Variants in WDPCP observed in about 807,000 individuals in gnomAD.
WDPCP encodes the protein WD repeat containing planar cell polarity effector.
WDPCP carries 71 observed loss-of-function variants against 93.1 expected under a neutral mutation model. The observed-to-expected ratio is 0.76, with a 90% CI of 0.63 to 0.93. WDPCP has a LOEUF of 0.93. WDPCP is among the 40% of genes least tolerant of loss of function. The pLI is 0.00. For missense variants in WDPCP, 844 were observed against 887.4 expected, an observed-to-expected ratio of 0.95 and a Z score of 0.62; for synonymous variants, 315 against 315.0, an observed-to-expected ratio of 1.00 and a Z score of 0.00.
At chr2:63,261,781 A>C (rs759021986) in intron 13 of WDPCP, among the ~76,000 whole-genome samples, 1 of 152,148 alleles carries the variant, frequency 6.6e-6, no homozygotes, top group Non-Finnish European at 1.5e-5. Flanking sequence ...CAAATCTCTA[A>C]TATTTGCTAT....
intron 3 of WDPCP, among the ~76,000 whole-genome samples, chr2:63,623,510 GA>G (rs1298405445): frequency 8.3e-4 from 104 of 124,862 alleles, no homozygotes; most frequent in Middle Eastern, 4.2e-3. Context: ...ATGGAAAGCA[GA>G]AAAAAAAAAA....
intron 14 of WDPCP, among the ~76,000 whole-genome samples, chr2:63,249,215 T>C (rs957939484): frequency 6.6e-6 from 1 of 152,172 alleles, no homozygotes; most frequent in African/African-American, 2.4e-5. Context: ...AGCATAGGAA[T>C]TGGCCTGAGG....
intron 14 of WDPCP, among the ~76,000 whole-genome samples, chr2:63,185,475 G>GCATT (rs1402842381): frequency 6.6e-6 from 1 of 151,890 alleles, no homozygotes; most frequent in Non-Finnish European, 1.5e-5. Flanking sequence ...GCTTCCGGGT[G>GCATT]CATTCAGTGG....
At chr2:63,716,544 A>T (rs1486579762) in intron 2 of WDPCP, among the ~76,000 whole-genome samples, 3 of 152,270 alleles carry the variant, frequency 2.0e-5, no homozygotes, top group Non-Finnish European at 2.9e-5. Flanking sequence ...TTGAATAAAT[A>T]TGCAAAAATA....
chr2:63,689,873 C>T (rs888248466), intron 2 of WDPCP, among the ~76,000 whole-genome samples: 3 of 152,134 alleles, frequency 2.0e-5, no homozygotes, highest in Non-Finnish European at 4.4e-5. Context: ...GTCAACTTGA[C>T]GTTATTAACC....
rs190091104 is a variant in WDPCP, at chr2:63,528,576, A to C, written c.76-35636T>G. Among the ~76,000 whole-genome samples, 380 of 152,196 alleles carry C rather than the reference A, an allele frequency of 2.5e-3. 3 individuals are homozygous for C. Among genetic ancestry groups the C allele is most frequent in the African/African-American group, 8.5e-3 (355 of 41,536 alleles). On this transcript the variant is annotated intron_variant, in intron 1 of 17. Transcript: ENST00000272321. The stretch of plus-strand genomic sequence containing the variant: ...GCTCTGTTCTGTTCCATTGGTCTAT[A>C]TCTCTGTTTTGGTACCAGTACCATG...
intron 3 of WDPCP, among the ~76,000 whole-genome samples, chr2:63,615,860 C>A (rs539293106): frequency 1.3e-5 from 2 of 152,240 alleles, no homozygotes; most frequent in South Asian, 4.1e-4. Context: ...TACTTTGTGG[C>A]CCTGAGAATA....
At chr2:63,241,997 TAACA>T in intron 14 of WDPCP, among the ~76,000 whole-genome samples, 1 of 152,284 alleles carries the variant, frequency 6.6e-6, no homozygotes, top group South Asian at 2.1e-4. Flanking sequence ...ATGTCTCTGG[TAACA>T]AATAGGAAGA....
chr2:63,699,766 T>C (rs1002913576), intron 2 of WDPCP, among the ~76,000 whole-genome samples: 1 of 152,206 alleles, frequency 6.6e-6, no homozygotes, highest in African/African-American at 2.4e-5. Flanking sequence ...ATGATTGCCA[T>C]CGATTGTAAC....
chr2:63,385,846 GACTTACTGTAAAGCC>G (rs373056885), intron 10 of WDPCP, among the ~76,000 whole-genome samples: 65 of 152,134 alleles, frequency 4.3e-4, no homozygotes, highest in Middle Eastern at 6.8e-3. Context: ...CTGATTTCAA[GACTTACTGTAAAGCC>G]ACTTACTGTA....
At chr2:63,149,828 C>T (rs1462358128) in intron 17 of WDPCP, among the ~76,000 whole-genome samples, 1 of 151,784 alleles carries the variant, frequency 6.6e-6, no homozygotes, top group Non-Finnish European at 1.5e-5. Context: ...ATAGCAAGAC[C>T]CTGTCTCTAC....
intron 14 of WDPCP, among the ~76,000 whole-genome samples, chr2:63,201,075 T>A (rs1675873437): frequency 1.3e-5 from 2 of 152,134 alleles, no homozygotes; most frequent in South Asian, 4.1e-4. Flanking sequence ...GGTAATTAGA[T>A]CATGGGGGAG....
chr2:63,366,711 C>G (rs1288976338), intron 12 of WDPCP, among the ~76,000 whole-genome samples: 1 of 152,080 alleles, frequency 6.6e-6, no homozygotes, highest in East Asian at 1.9e-4. Flanking sequence ...ACCATACTGC[C>G]CTCTACATCA....
At chr2:63,198,628 C>T (rs1385161862) in intron 14 of WDPCP, among the ~76,000 whole-genome samples, 1 of 152,160 alleles carries the variant, frequency 6.6e-6, no homozygotes, top group Non-Finnish European at 1.5e-5. Flanking sequence ...AAATGTGTGG[C>T]ACCTTCACCT....
At chr2:63,142,069 T>C (rs1463058783) in intron 17 of WDPCP, among the ~76,000 whole-genome samples, 1 of 152,180 alleles carries the variant, frequency 6.6e-6, no homozygotes, top group African/African-American at 2.4e-5. Context: ...GTTTTATTTA[T>C]CTTTTCAAAG....
intron 1 of WDPCP, among the ~76,000 whole-genome samples, chr2:63,508,213 C>T (rs1262526000): frequency 6.6e-6 from 1 of 152,124 alleles, no homozygotes; most frequent in East Asian, 1.9e-4. Flanking sequence ...CAAAGGAAAG[C>T]CTATCAGGCT....
chr2:63,406,352 T>A (rs1378194186), intron 9 of WDPCP, among the ~76,000 whole-genome samples: 1 of 152,194 alleles, frequency 6.6e-6, no homozygotes, highest in South Asian at 2.1e-4. Context: ...CACACTCTTT[T>A]TGCTGCAGTC....
At chr2:63,449,762 T>G (rs1272346010) in intron 6 of WDPCP, among the ~76,000 whole-genome samples, 1 of 152,132 alleles carries the variant, frequency 6.6e-6, no homozygotes, top group Non-Finnish European at 1.5e-5. Context: ...TACTGGGTCA[T>G]GGACCCTACC....
chr2:63,588,662 A>C, upstream of WDPCP: 1 of 483,496 alleles, frequency 2.1e-6, no homozygotes, highest in Non-Finnish European at 3.8e-6. Flanking sequence ...AGAGTTACAC[A>C]CGCTATCTCT....
Sources: allele counts gnomAD v4.1 joint callset (sites outside exome capture counted in the v4.1 genomes callset), GRCh38; gene constraint gnomAD v4.1.1; transcripts MANE v1.5; gene names NCBI Gene and HGNC (gene_info 2026-07-23, HGNC 2026-07-21).